Variants in TMEM232 observed in about 807,000 individuals in gnomAD.
The protein encoded by TMEM232 is transmembrane protein 232.
TMEM232 carries 80 observed loss-of-function variants against 78.8 expected under a neutral mutation model. That is an observed-to-expected ratio of 1.01 (90% CI 0.85 to 1.22). The LOEUF is 1.22. Ranked by LOEUF, TMEM232 falls within the 50% of genes most tolerant of loss-of-function variation. The pLI, the probability that TMEM232 is intolerant of heterozygous loss-of-function variation, is 0.00. For missense variants in TMEM232, 881 were observed against 742.2 expected, an observed-to-expected ratio of 1.19 and a Z score of -2.17; for synonymous variants, 297 against 254.3, an observed-to-expected ratio of 1.17 and a Z score of -1.60.
intron 5 of TMEM232, among the ~76,000 whole-genome samples, chr5:110,629,781 T>C (rs1294983930): frequency 6.6e-6 from 1 of 152,216 alleles, no homozygotes; most frequent in African/African-American, 2.4e-5. Flanking sequence ...TGCATATGTT[T>C]CTATCTAATA....
At chr5:110,626,050 T>C (rs1784386548) in intron 6 of TMEM232, among the ~76,000 whole-genome samples, 1 of 151,988 alleles carries the variant, frequency 6.6e-6, no homozygotes, top group Non-Finnish European at 1.5e-5. Context: ...TGGACAGCTA[T>C]GTGGAGAGGT....
chr5:110,660,472 A>G (rs976203867), intron 2 of TMEM232, among the ~76,000 whole-genome samples: 3 of 152,096 alleles, frequency 2.0e-5, no homozygotes, highest in South Asian at 2.1e-4. Context: ...ACAAGTCCAG[A>G]AAGGAGGCCT....
chr5:110,727,539 A>G (rs6884547), upstream of TMEM232, among the ~76,000 whole-genome samples: 44,640 of 151,906 alleles, frequency 0.29, 8,469 homozygotes, highest in African/African-American at 0.55. Flanking sequence ...AACCCAGGAG[A>G]TGGAGGTTGC....
chr5:110,628,662 A>AGTGTGTGTGT lies in TMEM232; in HGVS notation c.502-792_502-783dup, dbSNP rs146531604. ...ATAACAGCAATAGCTGTCAGTATCC[A>AGTGTGTGTGT]GTGTGTGTGTGTGTGTGTGTGTGTG... is the stretch of plus-strand genomic sequence containing the variant. On this transcript the variant is annotated intron_variant, in intron 5 of 13. Coordinates refer to ENST00000455884, the MANE Select transcript of TMEM232 (RefSeq NM_001039763.4). 4.1e-3 allele frequency among the ~76,000 whole-genome samples: 571 copies of AGTGTGTGTGT among 140,810 alleles called. 1 individual carries two copies. The highest frequency in any genetic ancestry group is 5.3e-3 in the East Asian group (26 of 4,912). 92.4% of individuals were successfully genotyped at this position (140,810 alleles called of 152,430 possible). A position where few individuals can be genotyped will look rare whatever the true frequency, so the allele number is the denominator to read the frequency against.
At chr5:110,432,703 A>G (rs551369003) in intron 12 of TMEM232, among the ~76,000 whole-genome samples, 1 of 151,864 alleles carries the variant, frequency 6.6e-6, no homozygotes, top group Non-Finnish European at 1.5e-5. Flanking sequence ...ATTAAAAACA[A>G]AACAGACACA....
Position 110,450,723 on chromosome 5 carries a change from C to G in TMEM232, c.1704-25807G>C, listed in dbSNP as rs537848942. Among the ~76,000 whole-genome samples the G allele has an allele frequency of 6.2e-4, 94 of 152,316 alleles. 1 individual carries two copies. Among genetic ancestry groups the G allele is most frequent in the Middle Eastern group, 6.8e-3 (2 of 294 alleles). ...CAGCACTCCTGGATGTACCCACCCC[C>G]ACTCCACAGTTAGATGTGTTCTTGG... On this transcript the variant is annotated intron_variant, in intron 12 of 13. Coordinates refer to ENST00000455884, the MANE Select transcript of TMEM232 (RefSeq NM_001039763.4).
At chr5:110,680,051 G>A (rs1792521926) in intron 1 of TMEM232, among the ~76,000 whole-genome samples, 1 of 152,044 alleles carries the variant, frequency 6.6e-6, no homozygotes, top group African/African-American at 2.4e-5. Flanking sequence ...CTCTGGAGTT[G>A]TCCAGGAATG....
chr5:110,503,865 T>G (rs1284611897), intron 12 of TMEM232, among the ~76,000 whole-genome samples: 1 of 152,232 alleles, frequency 6.6e-6, no homozygotes, highest in African/African-American at 2.4e-5. Context: ...TGTGACTTTT[T>G]TAGAGGACAA....
At chr5:110,678,650 A>G (rs1458459108) in intron 1 of TMEM232, among the ~76,000 whole-genome samples, 2 of 151,966 alleles carry the variant, frequency 1.3e-5, no homozygotes, top group Non-Finnish European at 2.9e-5. Context: ...TTGATACCTT[A>G]AAAATCCTCT....
intron 1 of TMEM232, among the ~76,000 whole-genome samples, chr5:110,682,418 C>T (rs999358513): frequency 6.6e-6 from 1 of 151,964 alleles, no homozygotes; most frequent in Non-Finnish European, 1.5e-5. Context: ...TAGACACCAA[C>T]TATTTCTAGG....
chr5:110,712,426 G>C (rs766105747), intron 1 of TMEM232, among the ~76,000 whole-genome samples: 3 of 151,600 alleles, frequency 2.0e-5, no homozygotes, highest in South Asian at 2.1e-4. Context: ...TAATCAAAAA[G>C]TAGGCAAAAT....
intron 2 of TMEM232, chr5:110,666,507 C>A (rs1472539690): frequency 6.6e-6 from 1 of 152,038 alleles, no homozygotes; most frequent in Non-Finnish European, 1.5e-5. Flanking sequence ...ACAGGATTAT[C>A]TAGTCATGGT....
intron 2 of TMEM232, among the ~76,000 whole-genome samples, chr5:110,663,244 C>T (rs1179143888): frequency 1.3e-5 from 2 of 151,912 alleles, no homozygotes; most frequent in African/African-American, 4.8e-5. Flanking sequence ...ATTAATGAAT[C>T]TTAAAAACAT....
At chr5:110,667,697 G>C (rs929545265) in intron 1 of TMEM232, 1 of 160,186 alleles carries the variant, frequency 6.2e-6, no homozygotes, top group African/African-American at 2.4e-5. Context: ...TTCCTCACCT[G>C]TAAAATGAGA....
chr5:110,468,856 T>C (rs957070323), intron 12 of TMEM232, among the ~76,000 whole-genome samples: 1 of 152,036 alleles, frequency 6.6e-6, no homozygotes, highest in Non-Finnish European at 1.5e-5. Flanking sequence ...TGGATAAAAA[T>C]AACTAAAGGA....
intron 10 of TMEM232, among the ~76,000 whole-genome samples, chr5:110,575,692 C>G (rs1777495295): frequency 6.6e-6 from 1 of 151,934 alleles, no homozygotes; most frequent in African/African-American, 2.4e-5. Context: ...GGTGGCCAAC[C>G]AGGGAGCAAC....
At chr5:110,703,521 A>G (rs1258050997) in intron 1 of TMEM232, among the ~76,000 whole-genome samples, 1 of 152,080 alleles carries the variant, frequency 6.6e-6, no homozygotes, top group African/African-American at 2.4e-5. Flanking sequence ...CTCTTTGCCC[A>G]TCAGAGCTTT....
rs1755533966 is a variant in TMEM232 at position 110,400,032 on chromosome 5, A to G, written n.309-2178T>C. On this transcript the variant is annotated intron_variant and non_coding_transcript_variant, in intron 2 of 8. Coordinates refer to the TMEM232 transcript ENST00000507188. ...CCTTGCTCTTAAGTTCCTGGCATGT[A>G]CATGCTTTTACAGTGGAAATCTCAT... 2.0e-5 allele frequency among the ~76,000 whole-genome samples: 3 copies of G among 152,256 alleles called. No individual in the cohort carries two copies. The South Asian group carries it at 6.2e-4, about 32-fold the overall frequency.
intron 1 of TMEM232, among the ~76,000 whole-genome samples, chr5:110,724,655 G>T (rs191087628): frequency 6.6e-6 from 1 of 152,162 alleles, no homozygotes; most frequent in Non-Finnish European, 1.5e-5. Flanking sequence ...CTACTGTTAA[G>T]ATCATTTAAC....
Sources: allele counts gnomAD v4.1 joint callset (sites outside exome capture counted in the v4.1 genomes callset), GRCh38; gene constraint gnomAD v4.1.1; transcripts MANE v1.5; gene names NCBI Gene and HGNC (gene_info 2026-07-23, HGNC 2026-07-21).